Variants in CNTLN observed in about 807,000 individuals in gnomAD.
CNTLN encodes centlein, centrosomal protein.
CNTLN carries 212 observed loss-of-function variants against 180.0 expected under a neutral mutation model. The observed-to-expected ratio is 1.18, with a 90% CI of 1.05 to 1.32. The LOEUF (loss-of-function observed/expected upper bound fraction) is 1.32, where lower values mean the gene tolerates loss of function less well. Among genes scored for constraint, CNTLN ranks in the 40% most tolerant of loss-of-function variants. The pLI, the probability that CNTLN is intolerant of heterozygous loss-of-function variation, is 0.00. For synonymous variants in CNTLN, 722 were observed against 563.1 expected, an observed-to-expected ratio of 1.28 and a Z score of -3.99; for missense variants, 2,095 against 1,610.9, an observed-to-expected ratio of 1.30 and a Z score of -5.14.
intron 2 of CNTLN, among the ~76,000 whole-genome samples, chr9:17,145,400 ATG>A (rs1818386601): frequency 6.6e-6 from 1 of 152,188 alleles, no homozygotes; most frequent in South Asian, 2.1e-4. Flanking sequence ...AGAAGTGAAA[ATG>A]ATATGCTGAA....
At chr9:17,218,504 A>T (rs1823915441) in intron 2 of CNTLN, among the ~76,000 whole-genome samples, 1 of 152,118 alleles carries the variant, frequency 6.6e-6, no homozygotes, top group Non-Finnish European at 1.5e-5. Context: ...ATAGTTCATG[A>T]ATAAATGGAT....
chr9:17,177,064 G>A (rs1157045431), intron 2 of CNTLN, among the ~76,000 whole-genome samples: 1 of 151,958 alleles, frequency 6.6e-6, no homozygotes, highest in Non-Finnish European at 1.5e-5. Flanking sequence ...TTTCTATTAT[G>A]TTGATTTCTG....
chr9:17,240,937 C>T (rs1282036833), intron 5 of CNTLN, among the ~76,000 whole-genome samples: 1 of 152,154 alleles, frequency 6.6e-6, no homozygotes, highest in Non-Finnish European at 1.5e-5. Flanking sequence ...CTGCTCACTG[C>T]AAGCTCTGCC....
At chr9:17,449,934 T>C (rs1830688319) in intron 18 of CNTLN, among the ~76,000 whole-genome samples, 1 of 152,230 alleles carries the variant, frequency 6.6e-6, no homozygotes, top group Non-Finnish European at 1.5e-5. Context: ...TTTTGAATAA[T>C]TTGACACTTG....
At chr9:17,208,820 T>C (rs549188253) in intron 2 of CNTLN, among the ~76,000 whole-genome samples, 7 of 152,286 alleles carry the variant, frequency 4.6e-5, no homozygotes, top group African/African-American at 1.7e-4. Context: ...TCCTTTTTCA[T>C]CTTTGATTTT....
chr9:17,144,792 T>C (rs1275673773), intron 2 of CNTLN, among the ~76,000 whole-genome samples: 1 of 151,280 alleles, frequency 6.6e-6, no homozygotes, highest in African/African-American at 2.4e-5. Flanking sequence ...TGTGCACAAG[T>C]TATACTTGGA....
At chr9:17,448,614 G>A (rs1032375315) in intron 18 of CNTLN, 1 of 152,134 alleles carries the variant, frequency 6.6e-6, no homozygotes, top group African/African-American at 2.4e-5. Context: ...AGGGCAGGAG[G>A]CTGCCGTTCT....
chr9:17,432,536 C>CT (rs1395038828), intron 18 of CNTLN, among the ~76,000 whole-genome samples: 2 of 152,028 alleles, frequency 1.3e-5, no homozygotes, highest in East Asian at 3.8e-4. Flanking sequence ...AAAAGAAGGT[C>CT]TGTCATTAAT....
chr9:17,469,290 T>C (rs1831925284), intron 23 of CNTLN, among the ~76,000 whole-genome samples: 1 of 151,810 alleles, frequency 6.6e-6, no homozygotes, highest in African/African-American at 2.4e-5. Flanking sequence ...AACTCATGAC[T>C]TCCAATGGCA....
chr9:17,468,829 C>G (rs957410326), intron 23 of CNTLN, among the ~76,000 whole-genome samples: 3 of 151,638 alleles, frequency 2.0e-5, no homozygotes, highest in African/African-American at 7.3e-5. Flanking sequence ...AAGTGGGTAT[C>G]TAAACTCTAA....
chr9:17,486,213 CT>C, intron 24 of CNTLN, among the ~76,000 whole-genome samples: 1 of 152,264 alleles, frequency 6.6e-6, no homozygotes, highest in African/African-American at 2.4e-5. Flanking sequence ...GTTCTTTACA[CT>C]ATATCGAACT....
At chr9:17,515,335 C>A in the CNTLN span, among the ~76,000 whole-genome samples, 1 of 152,060 alleles carries the variant, frequency 6.6e-6, no homozygotes, top group Non-Finnish European at 1.5e-5. Context: ...ACCAGGCTCA[C>A]TTTTAAGAAT....
At chr9:17,195,063 C>A (rs1822044385) in intron 2 of CNTLN, among the ~76,000 whole-genome samples, 1 of 152,050 alleles carries the variant, frequency 6.6e-6, no homozygotes, top group African/African-American at 2.4e-5. Context: ...TATGGGAGTA[C>A]AACTGAAGAT....
At chr9:17,366,283 G>A (rs1037939478) in intron 12 of CNTLN, among the ~76,000 whole-genome samples, 1 of 141,374 alleles carries the variant, frequency 7.1e-6, no homozygotes, top group East Asian at 2.2e-4. Flanking sequence ...GCGTAACCAT[G>A]ATGGGCTAGT....
intron 18 of CNTLN, among the ~76,000 whole-genome samples, chr9:17,423,121 T>A (rs535387984): frequency 6.6e-6 from 1 of 152,226 alleles, no homozygotes; most frequent in Non-Finnish European, 1.5e-5. Context: ...GAGGGGTGAC[T>A]GAGTCACTTC....
chr9:17,424,696 A>G (rs1230233180), intron 18 of CNTLN, among the ~76,000 whole-genome samples: 1 of 152,190 alleles, frequency 6.6e-6, no homozygotes, highest in Non-Finnish European at 1.5e-5. Context: ...GATTAGAGGT[A>G]GGGTAATTAG....
chr9:17,152,409 C>A (rs185106764), intron 2 of CNTLN, among the ~76,000 whole-genome samples: 1 of 152,204 alleles, frequency 6.6e-6, no homozygotes, highest in African/African-American at 2.4e-5. Context: ...GCCTTCATTT[C>A]GTTATTTACC....
chr9:17,246,717 C>T (rs766861143), intron 5 of CNTLN, among the ~76,000 whole-genome samples: 6 of 152,122 alleles, frequency 3.9e-5, no homozygotes, highest in African/African-American at 7.2e-5. Context: ...CTACCTGGTC[C>T]TCTATTCCAT....
intron 2 of CNTLN, among the ~76,000 whole-genome samples, chr9:17,146,148 T>G (rs753826676): frequency 2.6e-5 from 4 of 152,204 alleles, no homozygotes; most frequent in Non-Finnish European, 5.9e-5. Flanking sequence ...TTCTTAGCCT[T>G]TGGTGGGCCT....
Sources: allele counts gnomAD v4.1 joint callset (sites outside exome capture counted in the v4.1 genomes callset), GRCh38; gene constraint gnomAD v4.1.1; transcripts MANE v1.5; gene names NCBI Gene and HGNC (gene_info 2026-07-23, HGNC 2026-07-21).